The following PLXNC1 variants were observed in gnomAD, a reference collection of about 807,000 sequenced individuals.
PLXNC1 encodes the protein plexin-C1.
A neutral mutation model predicts 178.2 loss-of-function variants in PLXNC1; 75 were observed. The observed-to-expected ratio is 0.42, with a 90% confidence interval of 0.35 to 0.51. The LOEUF is 0.51. Ranked by LOEUF, PLXNC1 falls within the 20% of genes least tolerant of loss-of-function variation. The pLI, the probability that PLXNC1 is intolerant of heterozygous loss-of-function variation, is 0.02. For synonymous variants in PLXNC1, 790 were observed against 779.9 expected (o/e 1.01, Z -0.22); for missense variants, 1,503 against 1,984.4 (o/e 0.76, Z 4.61).
intron 1 of PLXNC1, among the ~76,000 whole-genome samples, chr12:94,164,447 G>GCCCGAA (rs3037618): frequency 0.83 from 126,262 of 151,574 alleles, 52,677 homozygotes; most frequent in East Asian, 0.97. Flanking sequence ...TGAGCACCCT[G>GCCCGAA]CCTCGATGAG....
chr12:94,181,658 C>T (rs1962310616), intron 3 of PLXNC1, 78 bp downstream of exon 3: 4 of 1,271,328 alleles, frequency 3.1e-6, no homozygotes. Context: ...AGTAGCAAAG[C>T]TTTTACTTTG....
intron 4 of PLXNC1, among the ~76,000 whole-genome samples, chr12:94,205,969 A>G (rs1963286709): frequency 6.6e-6 from 1 of 152,202 alleles, no homozygotes; most frequent in Non-Finnish European, 1.5e-5. Flanking sequence ...TGTGGCCTTG[A>G]TATGTTACTG....
chr12:94,164,496 G>A (rs548841036), intron 1 of PLXNC1, among the ~76,000 whole-genome samples: 21 of 152,158 alleles, frequency 1.4e-4, no homozygotes, highest in Non-Finnish European at 2.6e-4. Context: ...GGGCCAAGCT[G>A]TGGCTCAGCT....
chr12:94,299,436 C>T (rs745906087), intron 27 of PLXNC1, among the ~76,000 whole-genome samples: 2 of 152,180 alleles, frequency 1.3e-5, no homozygotes, highest in African/African-American at 4.8e-5. Context: ...TTTCCAGGCA[C>T]TGAGGGCAGC....
intron 21 of PLXNC1, among the ~76,000 whole-genome samples, chr12:94,275,572 G>GAGCACTAAGTGTTAGCAGCATGAAAAAT (rs1565847977): frequency 4.9e-5 from 7 of 143,866 alleles, no homozygotes; most frequent in Admixed American, 1.4e-4. Flanking sequence ...ACTGCTGTTT[G>GAGCACTAAGTGTTAGCAGCATGAAAAAT]GCCGGGCGCG....
At chr12:94,263,060 G>A (rs958804714) in intron 20 of PLXNC1, among the ~76,000 whole-genome samples, 8 of 152,214 alleles carry the variant, frequency 5.3e-5, no homozygotes, top group African/African-American at 1.2e-4. Context: ...TTAAAGTGTC[G>A]AAGCCTGGCC....
intron 11 of PLXNC1, among the ~76,000 whole-genome samples, chr12:94,242,288 T>C (rs1406420635): frequency 1.3e-5 from 2 of 150,100 alleles, no homozygotes; most frequent in African/African-American, 4.9e-5. Context: ...TGTATCTCTG[T>C]CCTAATCTCC....
chr12:94,197,314 G>C (rs1962950874), intron 4 of PLXNC1, among the ~76,000 whole-genome samples: 1 of 152,168 alleles, frequency 6.6e-6, no homozygotes, highest in Admixed American at 6.5e-5. Context: ...ACGTGATTAG[G>C]TCATGAGGAC....
chr12:94,248,321 T>C lies in PLXNC1; in HGVS notation c.2687T>C (p.Ile896Thr). ...CAATTAAATTGCAGTTTTGAAAATATTACTAGAAATCAAGATCTTACCACC... is the reference window on the plus strand; with the variant it reads ...CAATTAAATTGCAGTTTTGAAAATACTACTAGAAATCAAGATCTTACCACC... ...NGQLNCSFEN[I>T]TRNQDLTTIL... Residue 896 changes from isoleucine to threonine, a missense_variant, in exon 14 of 31, where the codon ATT (isoleucine) becomes ACT (threonine). Physicochemically the swap from Ile to Thr is moderately conservative, Grantham distance 89. Coordinates refer to ENST00000258526, the MANE Select transcript of PLXNC1 (RefSeq NM_005761.3). The C allele has an allele frequency of 4.3e-6, 7 of 1,613,786 alleles. No homozygotes were observed. Among genetic ancestry groups the C allele is most frequent in the Non-Finnish European group, 5.1e-6 (6 of 1,179,696 alleles).
rs762693168 is a variant in PLXNC1, at chr12:94,279,621, T to C, written c.3747T>C (p.Tyr1249=). The part of the protein sequence containing the change: ...QAFLSKNGSP[Y]GLQLNEIGLE... The stretch of plus-strand genomic sequence containing the variant: ...TCTTAAGCAAAAATGGCTCTCCTTA[T>C]GGACTTCAGCTTAATGAAATTGGTC... The change falls in exon 22 of 31, where the codon TAT becomes TAC. Residue 1249 remains tyrosine, a synonymous_variant. Coordinates refer to ENST00000258526, the MANE Select transcript of PLXNC1 (RefSeq NM_005761.3). 1 of 1,614,250 alleles carries C rather than the reference T, an allele frequency of 6.2e-7. No homozygotes were observed. The highest frequency in any genetic ancestry group is 1.7e-5 in the Admixed American group (1 of 60,030).
At chr12:94,201,576 A>G (rs1963117293) in intron 4 of PLXNC1, among the ~76,000 whole-genome samples, 1 of 152,140 alleles carries the variant, frequency 6.6e-6, no homozygotes, top group Non-Finnish European at 1.5e-5. Flanking sequence ...GAGAGGGCAC[A>G]TGTCTTGCTT....
intron 1 of PLXNC1, chr12:94,168,338 G>A (rs925079264): frequency 6.6e-6 from 1 of 152,220 alleles, no homozygotes; most frequent in Non-Finnish European, 1.5e-5. Flanking sequence ...GATGCAGCAC[G>A]AAGCACTTCA....
intron 20 of PLXNC1, chr12:94,262,518 T>C: frequency 7.1e-6 from 7 of 985,460 alleles, no homozygotes; most frequent in South Asian, 4.7e-5. Flanking sequence ...GGGTCAAGAC[T>C]TCACAGTGCT....
chr12:94,186,998 A>G (rs950485239), intron 4 of PLXNC1, among the ~76,000 whole-genome samples: 1 of 152,242 alleles, frequency 6.6e-6, no homozygotes, highest in Non-Finnish European at 1.5e-5. Context: ...TGGAATGACG[A>G]TGCTCACGAC....
At chr12:94,182,861 ATC>A (rs776611716) in intron 3 of PLXNC1, among the ~76,000 whole-genome samples, 4,541 of 126,070 alleles carry the variant, frequency 0.036, 69 homozygotes, top group Admixed American at 0.058. Context: ...GAATATCTGT[ATC>A]TATCTATCTA....
chr12:94,197,437 TTCTC>T (rs61069982), intron 4 of PLXNC1, among the ~76,000 whole-genome samples: 2 of 148,542 alleles, frequency 1.3e-5, no homozygotes, highest in African/African-American at 2.5e-5. Flanking sequence ...TTAGGCCCCT[TTCTC>T]TCTCTCTCTC....
At chr12:94,182,654 G>A (rs990411160) in intron 3 of PLXNC1, among the ~76,000 whole-genome samples, 24 of 151,526 alleles carry the variant, frequency 1.6e-4, no homozygotes, top group Admixed American at 3.9e-4. Context: ...GAAACCAGGA[G>A]GTGGAGTTTG....
chr12:94,282,764 A>G (rs1471333133), intron 23 of PLXNC1: 2 of 182,104 alleles, frequency 1.1e-5, no homozygotes, highest in Non-Finnish European at 2.3e-5. Context: ...GGAAGTCCCA[A>G]GCCTCGCCTC....
At chr12:94,181,869 A>T (rs957790359) in intron 3 of PLXNC1, among the ~76,000 whole-genome samples, 1 of 152,104 alleles carries the variant, frequency 6.6e-6, no homozygotes, top group Non-Finnish European at 1.5e-5. Flanking sequence ...CAGCAAGGTA[A>T]CTGAATTTAC....
Sources: allele counts gnomAD v4.1 joint callset (sites outside exome capture counted in the v4.1 genomes callset), GRCh38; gene constraint gnomAD v4.1.1; transcripts MANE v1.5; gene names NCBI Gene and HGNC (gene_info 2026-07-23, HGNC 2026-07-21).